ETV6: variants seen among roughly 807,000 people sequenced by gnomAD.
ETV6 encodes transcription factor ETV6.
In ETV6, 16 loss-of-function variants were observed where a neutral mutation model predicts 51.1. That is an observed-to-expected ratio of 0.31 (90% CI 0.21 to 0.48). The LOEUF is 0.48. Among genes scored for constraint, ETV6 ranks in the 20% least tolerant of loss-of-function variants. ETV6 has a pLI of 0.99. For synonymous variants in ETV6, 240 were observed against 224.1 expected, an observed-to-expected ratio of 1.07 and a Z score of -0.64; for missense variants, 458 against 594.8, an observed-to-expected ratio of 0.77 and a Z score of 2.39.
intron 1 of ETV6, among the ~76,000 whole-genome samples, chr12:11,704,317 C>T (rs555880233): frequency 3.7e-4 from 56 of 152,148 alleles, no homozygotes; most frequent in Non-Finnish European, 5.4e-4. Context: ...GAGGGGATAG[C>T]GGAAGAAGGG....
chr12:11,808,633 T>A (rs2855747), intron 2 of ETV6, among the ~76,000 whole-genome samples: 152,252 of 152,326 alleles, frequency 1, 76,089 homozygotes, highest in East Asian at 1. Flanking sequence ...TTGAGCATCC[T>A]TGGATTTTGG....
chr12:11,666,161 A>G (rs1255135080), intron 1 of ETV6, among the ~76,000 whole-genome samples: 1 of 152,152 alleles, frequency 6.6e-6, no homozygotes, highest in East Asian at 1.9e-4. Flanking sequence ...TCTAAGAGCT[A>G]GTAGGGAGAG....
chr12:11,822,391 T>C (rs1042784000), intron 2 of ETV6, among the ~76,000 whole-genome samples: 1 of 152,202 alleles, frequency 6.6e-6, no homozygotes, highest in Non-Finnish European at 1.5e-5. Flanking sequence ...GTTAGAACTC[T>C]CCCGCATACG....
intron 3 of ETV6, among the ~76,000 whole-genome samples, chr12:11,839,752 C>T (rs1244820726): frequency 2.0e-5 from 3 of 152,106 alleles, no homozygotes; most frequent in Admixed American, 1.3e-4. Context: ...TGGTGGTGTA[C>T]ACCTGTAGTC....
At chr12:11,784,800 G>A (rs1945460225) in intron 2 of ETV6, among the ~76,000 whole-genome samples, 1 of 151,092 alleles carries the variant, frequency 6.6e-6, no homozygotes, top group Non-Finnish European at 1.5e-5. Flanking sequence ...TTGGGCTCAT[G>A]ATCCTTCCGC....
rs377647984 is a variant in ETV6, at chr12:11,682,608, T to G, written c.33+32448T>G. On this transcript the variant is annotated intron_variant, in intron 1 of 7. Coordinates refer to ENST00000396373, the MANE Select transcript of ETV6 (RefSeq NM_001987.5). The stretch of plus-strand genomic sequence containing the variant: ...TCAATTTTGGCTTTTGTTGCCATGC[T>G]TTTGGAGTTTTAGTCATAAAGTCTT... 8.5e-5 allele frequency among the ~76,000 whole-genome samples: 13 copies of G among 152,362 alleles called. No individual in the cohort carries two copies. In the East Asian group the frequency reaches 1.2e-3, roughly 14 times the overall value.
chr12:11,878,787 C>T (rs1468174390), intron 5 of ETV6, among the ~76,000 whole-genome samples: 1 of 146,558 alleles, frequency 6.8e-6, no homozygotes, highest in Non-Finnish European at 1.5e-5. Context: ...CAACTTTCTG[C>T]TTCTAGGTAA....
chr12:11,747,520 G>A (rs1182263460), intron 1 of ETV6, among the ~76,000 whole-genome samples: 1 of 152,156 alleles, frequency 6.6e-6, no homozygotes, highest in Non-Finnish European at 1.5e-5. Context: ...GCTAGGGTAT[G>A]CTCTTTCTTT....
chr12:11,785,260 G>A (rs983838969), intron 2 of ETV6, among the ~76,000 whole-genome samples: 17 of 151,964 alleles, frequency 1.1e-4, no homozygotes, highest in South Asian at 4.1e-4. Context: ...TCGCTCGCTG[G>A]GATGCTCTTC....
chr12:11,844,555 G>C (rs1483199273), intron 3 of ETV6, among the ~76,000 whole-genome samples: 1 of 152,022 alleles, frequency 6.6e-6, no homozygotes, highest in Non-Finnish European at 1.5e-5. Flanking sequence ...ATCAAAATTG[G>C]CCTATTAATT....
intron 2 of ETV6, among the ~76,000 whole-genome samples, chr12:11,796,004 A>G (rs1945669939): frequency 6.6e-6 from 1 of 152,226 alleles, no homozygotes; most frequent in Admixed American, 6.5e-5. Flanking sequence ...AAATAACATC[A>G]TGAATTTGAT....
intron 1 of ETV6, among the ~76,000 whole-genome samples, chr12:11,750,017 G>T (rs1261930676): frequency 1.3e-5 from 2 of 152,172 alleles, no homozygotes; most frequent in Non-Finnish European, 2.9e-5. Flanking sequence ...GAGATCAGTG[G>T]GCCACAGTCT....
chr12:11,808,557 G>C (rs546950432), intron 2 of ETV6, among the ~76,000 whole-genome samples: 2 of 152,110 alleles, frequency 1.3e-5, no homozygotes, highest in African/African-American at 4.8e-5. Context: ...ATCTAGAGAT[G>C]ATTTAAAATA....
chr12:11,820,505 T>G (rs758638461), intron 2 of ETV6, among the ~76,000 whole-genome samples: 43 of 151,970 alleles, frequency 2.8e-4, no homozygotes, highest in Non-Finnish European at 3.7e-4. Context: ...AGAACAGATA[T>G]GCGATGTTAG....
chr12:11,750,891 G>A (rs761910363), intron 1 of ETV6: 1 of 474,952 alleles, frequency 2.1e-6, no homozygotes, highest in Admixed American at 2.5e-5. Flanking sequence ...AAATACATGT[G>A]ATGCCTGCTA....
chr12:11,770,946 C>T (rs1945234705), intron 2 of ETV6, among the ~76,000 whole-genome samples: 1 of 152,138 alleles, frequency 6.6e-6, no homozygotes, highest in Non-Finnish European at 1.5e-5. Flanking sequence ...CTGAGGCACC[C>T]TCATGGTTGA....
chr12:11,884,647 G>T, intron 6 of ETV6, 60 bp downstream of exon 6: 2 of 1,591,806 alleles, frequency 1.3e-6, no homozygotes, highest in Non-Finnish European at 1.7e-6. Context: ...CCTTATCCCT[G>T]GATTGGAGGA....
intron 1 of ETV6, among the ~76,000 whole-genome samples, chr12:11,715,259 AG>A (rs1225144311): frequency 6.6e-6 from 1 of 152,196 alleles, no homozygotes; most frequent in African/African-American, 2.4e-5. Flanking sequence ...GTCTTTTCTT[AG>A]AGCCTTGAGT....
chr12:11,752,816 A>G (rs1041320296), intron 2 of ETV6: 47 of 403,702 alleles, frequency 1.2e-4, no homozygotes, highest in African/African-American at 8.1e-4. Flanking sequence ...GTTAAAAAAA[A>G]AAGAAACCTG....
Sources: gnomAD v4.1 joint callset for allele counts (sites outside exome capture counted in the v4.1 genomes callset) on GRCh38, gnomAD v4.1.1 for gene constraint, MANE v1.5 for transcripts, NCBI Gene and HGNC (gene_info 2026-07-23, HGNC 2026-07-21) for gene names.